CMIP: variants seen among roughly 807,000 people sequenced by gnomAD.
CMIP encodes c-Maf inducing protein.
Under a neutral mutation model 97.3 loss-of-function variants are expected in CMIP, and 13 were observed. The ratio of observed to expected loss-of-function variants is 0.13; its 90% CI spans 0.09 to 0.21. CMIP has a LOEUF of 0.21. Ranked by LOEUF, CMIP falls within the 10% of genes least tolerant of loss-of-function variation. CMIP has a pLI of 1.00. For missense variants in CMIP, 847 were observed against 1,024.9 expected (o/e 0.83, Z 2.37); for synonymous variants, 538 against 436.3 (o/e 1.23, Z -2.91).
At chr16:81,451,073 G>C (rs80319315) in intron 1 of CMIP, among the ~76,000 whole-genome samples, 5,308 of 152,276 alleles carry the variant, frequency 0.035, 219 homozygotes, top group African/African-American at 0.1. Flanking sequence ...ACCCTCCCCT[G>C]TTGATGGGCA....
At position 81,704,945 on chromosome 16, in the gene CMIP, G is replaced by C. The variant is rs187635618; in HGVS notation, c.2092-554G>C. Among the ~76,000 whole-genome samples, 10 of 151,848 alleles carry C rather than the reference G, an allele frequency of 6.6e-5. No homozygotes were observed. In the South Asian group the frequency reaches 2.1e-3, roughly 32 times the overall value. On this transcript the variant is annotated intron_variant, in intron 18 of 20. Coordinates refer to ENST00000537098, the MANE Select transcript of CMIP (RefSeq NM_198390.3). The stretch of plus-strand genomic sequence containing the variant: ...CGTGAGCCAGGCTTCGCTGGCCTGC[G>C]GGGGGCTGCGCAGGAGGCTTCTGGG...
intron 1 of CMIP, among the ~76,000 whole-genome samples, chr16:81,566,483 A>G (rs1281645596): frequency 2.0e-5 from 3 of 152,170 alleles, no homozygotes; most frequent in African/African-American, 2.4e-5. Flanking sequence ...GCCACGCACA[A>G]CTGGATTTTG....
chr16:81,495,293 G>T (rs1321350987), intron 1 of CMIP: 1 of 1,428,132 alleles, frequency 7.0e-7, no homozygotes, highest in East Asian at 2.6e-5. Context: ...TGAACCCTCT[G>T]GGGCGGGGCC....
intron 1 of CMIP, among the ~76,000 whole-genome samples, chr16:81,545,994 C>T (rs1036226907): frequency 2.6e-5 from 4 of 152,190 alleles, no homozygotes; most frequent in African/African-American, 7.2e-5. Context: ...GGAAGTGGGA[C>T]GGGGCGGTGG....
intron 7 of CMIP, 117 bp downstream of exon 7, chr16:81,664,466 G>A: frequency 1.1e-6 from 1 of 912,470 alleles, no homozygotes; most frequent in Non-Finnish European, 1.6e-6. Context: ...CAGCGTGACA[G>A]CCAGGAACTG....
At chr16:81,671,789 G>A (rs568237738) in intron 8 of CMIP, among the ~76,000 whole-genome samples, 177 bp from the exon 9 acceptor site, 1 of 152,372 alleles carries the variant, frequency 6.6e-6, no homozygotes, top group Non-Finnish European at 1.5e-5. Flanking sequence ...ACGTGGCACA[G>A]CCGGGGCCCA....
At chr16:81,684,421 C>T (rs931123327) in intron 10 of CMIP, among the ~76,000 whole-genome samples, 5 of 152,224 alleles carry the variant, frequency 3.3e-5, no homozygotes, top group Non-Finnish European at 5.9e-5. Flanking sequence ...ACGTTCTGCC[C>T]GTGACTTGCA....
intron 3 of CMIP, among the ~76,000 whole-genome samples, chr16:81,639,901 ACCT>A (rs1171962633): frequency 6.6e-6 from 1 of 152,170 alleles, no homozygotes; most frequent in Non-Finnish European, 1.5e-5. Context: ...TTTGGGGCAC[ACCT>A]CAGCACAGGG....
At chr16:81,475,368 G>A (rs985905674) in intron 1 of CMIP, among the ~76,000 whole-genome samples, 2 of 152,178 alleles carry the variant, frequency 1.3e-5, no homozygotes, top group Non-Finnish European at 2.9e-5. Context: ...AATACCTGAT[G>A]TACCGTTCTC....
intron 1 of CMIP, among the ~76,000 whole-genome samples, chr16:81,531,296 C>G (rs2090230601): frequency 6.6e-6 from 1 of 152,156 alleles, no homozygotes; most frequent in Non-Finnish European, 1.5e-5. Context: ...CCCAGAAGCC[C>G]CAGAAGCTGA....
chr16:81,589,241 CG>C (rs1386810530), intron 1 of CMIP, among the ~76,000 whole-genome samples: 1 of 152,062 alleles, frequency 6.6e-6, no homozygotes, highest in Admixed American at 6.5e-5. Flanking sequence ...GGACTACAGG[CG>C]TGCACCACCA....
At chr16:81,458,657 T>C (rs528049046) in intron 1 of CMIP, among the ~76,000 whole-genome samples, 1 of 152,264 alleles carries the variant, frequency 6.6e-6, no homozygotes, top group African/African-American at 2.4e-5. Context: ...TTAAATCCCC[T>C]GCCTGCCCAG....
At position 81,529,039 on chromosome 16, in the gene CMIP, A is replaced by G. The variant is rs578090216; in HGVS notation, c.301-78528A>G. On this transcript the variant is annotated intron_variant, in intron 1 of 20. Coordinates refer to ENST00000537098, the MANE Select transcript of CMIP (RefSeq NM_198390.3). ...TTACTGATGGCTTTACCCATTGTAA[A>G]TCAGGCCTTGGCTAGATACAGATGA... Among the ~76,000 whole-genome samples the G allele has an allele frequency of 5.3e-5, 8 of 152,134 alleles. No homozygotes were observed. In the South Asian group the frequency reaches 1.7e-3, roughly 32 times the overall value.
chr16:81,639,514 T>C (rs181551269), intron 3 of CMIP, among the ~76,000 whole-genome samples: 3 of 152,372 alleles, frequency 2.0e-5, no homozygotes, highest in Admixed American at 2.0e-4. Context: ...ATTTGGCCTT[T>C]TGTGGCTGCC....
intron 1 of CMIP, among the ~76,000 whole-genome samples, chr16:81,481,553 C>G (rs2089223208): frequency 6.6e-6 from 1 of 152,146 alleles, no homozygotes; most frequent in Non-Finnish European, 1.5e-5. Context: ...ATGCCAGGGC[C>G]AGAGCGGCTC....
intron 13 of CMIP, among the ~76,000 whole-genome samples, chr16:81,694,607 C>G (rs1906487909): frequency 6.6e-6 from 1 of 152,206 alleles, no homozygotes; most frequent in Non-Finnish European, 1.5e-5. Context: ...AGTACTTGTT[C>G]TCAAACTATA....
At chr16:81,544,499 C>A (rs13333615) in intron 1 of CMIP, among the ~76,000 whole-genome samples, 4 of 150,408 alleles carry the variant, frequency 2.7e-5, no homozygotes, top group Admixed American at 1.3e-4. Flanking sequence ...AACAGCCTGC[C>A]GCTGACCTTC....
chr16:81,620,653 G>A, intron 2 of CMIP: 1 of 541,160 alleles, frequency 1.8e-6, no homozygotes, highest in Non-Finnish European at 3.3e-6. Context: ...AGCACACGGT[G>A]CTAGTGATGT....
At chr16:81,574,630 G>A (rs1160353755) in intron 1 of CMIP, among the ~76,000 whole-genome samples, 1 of 152,250 alleles carries the variant, frequency 6.6e-6, no homozygotes, top group South Asian at 2.1e-4. Flanking sequence ...TTCGAGTATG[G>A]CCTGAAATAC....
Sources: gnomAD v4.1 joint callset for allele counts (sites outside exome capture counted in the v4.1 genomes callset) on GRCh38, gnomAD v4.1.1 for gene constraint, MANE v1.5 for transcripts, NCBI Gene and HGNC (gene_info 2026-07-23, HGNC 2026-07-21) for gene names.